SIGLEC1: variants seen among roughly 807,000 people sequenced by gnomAD.
SIGLEC1 encodes sialic acid binding Ig like lectin 1, also known as sialoadhesin.
A neutral mutation model predicts 148.0 loss-of-function variants in SIGLEC1; 132 were observed. The observed-to-expected ratio is 0.89, with a 90% confidence interval of 0.77 to 1.03. The LOEUF (loss-of-function observed/expected upper bound fraction) is 1.03, where lower values mean the gene tolerates loss of function less well. SIGLEC1 is among the 50% of genes least tolerant of loss of function. SIGLEC1 has a pLI of 0.00. For synonymous variants in SIGLEC1, 945 were observed against 969.0 expected (o/e 0.98, Z 0.46); for missense variants, 2,253 against 2,271.4 (o/e 0.99, Z 0.16).
intron 13 of SIGLEC1, 74 bp from the exon 14 acceptor site, chr20:3,693,772 G>C: frequency 6.9e-7 from 1 of 1,457,398 alleles, no homozygotes; most frequent in East Asian, 2.4e-5. Context: ...GTCTCCATGT[G>C]GGTGAGCTAC....
Position 3,710,684 on chromosome 20 carries a change from C to T in SIGLEC1, c.-110+1786G>A, listed in dbSNP as rs898697164. On this transcript the variant is annotated intron_variant, in intron 1 of 21. Transcript: ENST00000344754. The surrounding 1 kb of genome is among the most constrained non-coding windows in gnomAD (Gnocchi z 4.6). ...GGGCAGCTATCTTGTCCCAGCTCCC[C>T]TGTTCCTCCCATTTGGGGTCCTGAA... is the stretch of plus-strand genomic sequence containing the variant. 6.6e-6 allele frequency among the ~76,000 whole-genome samples: 1 copy of T among 152,234 alleles called. No homozygotes were observed. Among genetic ancestry groups the T allele is most frequent in the African/African-American group, 2.4e-5 (1 of 41,466 alleles).
At chr20:3,704,852 T>C (rs546893762) in intron 4 of SIGLEC1, among the ~76,000 whole-genome samples, 1 of 152,266 alleles carries the variant, frequency 6.6e-6, no homozygotes, top group Non-Finnish European at 1.5e-5. Context: ...TCGAACTCCT[T>C]GCCTCAAGCA....
rs766449719 is a variant in SIGLEC1, at chr20:3,691,590, C to A, written c.4341G>T (p.Val1447=). Residue 1447 remains valine (V), a synonymous_variant, in exon 18 of 22, where the codon GTG becomes GTT. Coordinates refer to ENST00000344754, the MANE Select transcript of SIGLEC1 (RefSeq NM_023068.4). ...IGRLQVEGAR[V]VAEPGLDVPE... ...GCACGTCCAGGCCAGGCTCTGCCAC[C>A]ACGCGTGCACCTGCGGGCGGAGGAT... is the stretch of plus-strand genomic sequence containing the variant. 2 of 1,611,938 alleles carry A rather than the reference C, an allele frequency of 1.2e-6. No homozygotes were observed. Among genetic ancestry groups the A allele is most frequent in the South Asian group, 2.2e-5 (2 of 90,994 alleles).
intron 7 of SIGLEC1, 41 bp downstream of exon 7, chr20:3,701,301 A>G (rs759965498): frequency 6.5e-7 from 1 of 1,537,532 alleles, no homozygotes; most frequent in Admixed American, 1.9e-5. Context: ...GCTCCTCCTC[A>G]GGCTCCCTCC....
chr20:3,691,702 C>A, intron 17 of SIGLEC1, 102 bp from the exon 18 acceptor site: 3 of 1,468,876 alleles, frequency 2.0e-6, no homozygotes, highest in Non-Finnish European at 2.8e-6. Context: ...GTGGGAAGGT[C>A]TCAGTCTGAC....
In SIGLEC1 at chr20:3,703,417, G is replaced by A. The variant is rs754361175; in HGVS notation, c.1008C>T (p.Ile336=). 39 of 1,591,700 alleles carry A rather than the reference G, an allele frequency of 2.5e-5. No individual in the cohort carries two copies. Among genetic ancestry groups the A allele is most frequent in the Non-Finnish European group, 3.3e-5 (39 of 1,167,710 alleles). Residue 336 remains isoleucine, a synonymous_variant, in exon 6 of 22, where the codon ATC becomes ATT. Coordinates refer to ENST00000344754, the MANE Select transcript of SIGLEC1 (RefSeq NM_023068.4). ...CTAGTGTCACTGTCTGGTTCTCCAG[G>A]ATGGGACCTGCTGGGCTCACCTGGA... is the stretch of plus-strand genomic sequence containing the variant. ...AEVQVSPAGP[I]LENQTVTLVC...
intron 6 of SIGLEC1, among the ~76,000 whole-genome samples, chr20:3,702,504 C>T (rs1377279681): frequency 2.0e-5 from 3 of 151,950 alleles, no homozygotes; most frequent in African/African-American, 7.3e-5. Flanking sequence ...AGGAGAATCG[C>T]TTGAGCCCCA....
In SIGLEC1 at chr20:3,688,543, G is replaced by T; in HGVS notation, c.*17C>A. 1.3e-6 allele frequency: 2 copies of T among 1,584,996 alleles called. No individual in the cohort carries two copies. Among genetic ancestry groups the T allele is most frequent in the South Asian group, 2.3e-5 (2 of 86,922 alleles). On this transcript the variant is annotated 3_prime_UTR_variant, in exon 22 of 22. Transcript: ENST00000344754. Reference sequence around the variant, plus strand: ...TTCTGGCCACTTTCTCCTCCGGAGGGCAGGCAACACCACTGGTCAGCCCAG... The same window carrying T: ...TTCTGGCCACTTTCTCCTCCGGAGGTCAGGCAACACCACTGGTCAGCCCAG...
Position 3,691,475 on chromosome 20 carries a change from G to C in SIGLEC1, c.4456C>G (p.Arg1486Gly). 1 of 1,613,456 alleles carries C rather than the reference G, an allele frequency of 6.2e-7. No individual in the cohort carries two copies. The highest frequency in any genetic ancestry group is 8.5e-7 in the Non-Finnish European group (1 of 1,179,984). Residue 1486 changes from arginine (R) to glycine (G), a missense_variant, in exon 18 of 22, where the codon CGG (arginine) becomes GGG (glycine). By Grantham distance (125) the Arg-to-Gly change is moderately radical. Coordinates refer to ENST00000344754, the MANE Select transcript of SIGLEC1 (RefSeq NM_023068.4). Reference sequence around the variant, plus strand: ...GGCACAGGCTCCGCGTGCAGCCGCCGGTCATTCCAGAACCATGCAAAGGTG... The same window carrying C: ...GGCACAGGCTCCGCGTGCAGCCGCCCGTCATTCCAGAACCATGCAAAGGTG... Reference protein sequence around the residue: ...NSTFAWFWNDRRLHAEPVPTL... With the variant: ...NSTFAWFWNDGRLHAEPVPTL...
intron 1 of SIGLEC1, among the ~76,000 whole-genome samples, chr20:3,709,614 G>A (rs2087917888): frequency 6.6e-6 from 1 of 152,186 alleles, no homozygotes; most frequent in Non-Finnish European, 1.5e-5. Flanking sequence ...CTCTAACAGA[G>A]TACACCAATG....
At chr20:3,704,268 G>C (rs536858564) in intron 4 of SIGLEC1, among the ~76,000 whole-genome samples, 177 bp from the exon 5 acceptor site, 159 of 152,190 alleles carry the variant, frequency 1.0e-3, no homozygotes, top group African/African-American at 3.7e-3. Flanking sequence ...TCCCTTTCCC[G>C]CCCCCTGCGC....
chr20:3,688,570 G>C lies in SIGLEC1; in HGVS notation c.5120C>G (p.Pro1707Arg). Residue 1707 changes from proline (P) to arginine (R), a missense_variant, in exon 22 of 22, where the codon CCC (proline) becomes CGC (arginine). Transcript: ENST00000344754. ...AGGCAACACCACTGGTCAGCCCAGG[G>C]GTGGGGCACAGGTTGAGGTCTCACA... The part of the protein sequence containing the change: ...ATCETSTCAP[P>R]LG 1.2e-6 allele frequency: 2 copies of C among 1,600,798 alleles called. No homozygotes were observed. The highest frequency in any genetic ancestry group is 1.7e-5 in the Admixed American group (1 of 58,464).
chr20:3,709,484 A>G (rs2087917309), intron 1 of SIGLEC1, among the ~76,000 whole-genome samples: 1 of 152,246 alleles, frequency 6.6e-6, no homozygotes, highest in African/African-American at 2.4e-5. Flanking sequence ...GTGGGAATAT[A>G]AAATGGTTCC....
chr20:3,689,002 C>T, intron 21 of SIGLEC1, 153 bp downstream of exon 21: 2 of 725,502 alleles, frequency 2.8e-6, no homozygotes, highest in South Asian at 3.2e-5. Flanking sequence ...CAGGGCTCTC[C>T]TATCTCCTGA....
chr20:3,697,901 A>C lies in SIGLEC1; in HGVS notation c.2019T>G (p.Arg673=), dbSNP rs1275667298. Residue 673 remains arginine, a synonymous_variant, in exon 9 of 22, where the codon CGT becomes CGG. Transcript: ENST00000344754. ...CCAGCAAAGGGTTGTGAATCTCCAC[A>C]CGCAGCAAGTTGGGGGCTTTGGTGA... ...MKVTKAPNLL[R]VEIHNPLLEE... 1 of 1,613,102 alleles carries C rather than the reference A, an allele frequency of 6.2e-7. No individual in the cohort carries two copies. The highest frequency in any genetic ancestry group is 8.5e-7 in the Non-Finnish European group (1 of 1,179,964).
rs376147444 is a variant in SIGLEC1, at chr20:3,692,898, C to A, written c.3742G>T (p.Gly1248Cys). 6.2e-6 allele frequency: 10 copies of A among 1,611,910 alleles called. No individual in the cohort carries two copies. In the South Asian group the frequency reaches 9.9e-5, roughly 16 times the overall value. The change falls in exon 15 of 22, where the codon GGC (glycine) becomes TGC (cysteine). Residue 1248 changes from glycine (G) to cysteine (C), a missense_variant. Transcript: ENST00000344754. ...FYSCSARSPLGQANTSLELRL... is the reference protein window; with the variant it reads ...FYSCSARSPLCQANTSLELRL... The stretch of plus-strand genomic sequence containing the variant: ...AGCTCCAGGGACGTGTTGGCCTGGC[C>A]CAGAGGGCTGCGGGCAGAGCAGCTG...
Position 3,694,417 on chromosome 20 carries a change from C to T in SIGLEC1, c.3060G>A (p.Gly1020=). ...GTAGGGTGGAGGCCACAAGGCGATC[C>T]CCGTGGAGCAGCCGCAGCTGGGCCG... ...DPPAQLRLLH[G]DRLVASTLQG... is the part of the protein sequence containing the mutation. Residue 1020 remains glycine (G), a synonymous_variant, in exon 13 of 22, where the codon GGG becomes GGA. Transcript: ENST00000344754. 3.1e-6 allele frequency: 5 copies of T among 1,612,434 alleles called. No individual in the cohort carries two copies. The highest frequency in any genetic ancestry group is 4.2e-6 in the Non-Finnish European group (5 of 1,179,240).
At chr20:3,709,629 C>T (rs924276604) in intron 1 of SIGLEC1, among the ~76,000 whole-genome samples, 22 of 152,180 alleles carry the variant, frequency 1.4e-4, no homozygotes, top group African/African-American at 4.8e-4. Context: ...CCAATGTTCA[C>T]GGCAGCACTA....
chr20:3,690,117 C>A lies in SIGLEC1; in HGVS notation c.4739G>T (p.Gly1580Val), dbSNP rs1030346674. ...ATGGATGTGTGGCTCTGCAGGAGCA[C>A]CCTGGGGCTGACTGGAGGCCACCAG... ...SRLVASSQPQ[G>V]APAEPHIHVL... The change falls in exon 19 of 22, where the codon GGT (glycine) becomes GTT (valine). Residue 1580 changes from glycine (G) to valine (V), a missense_variant. Gly to Val is a moderately radical substitution (Grantham distance 109, BLOSUM62 -3). Transcript: ENST00000344754. The A allele has an allele frequency of 6.2e-7, 1 of 1,610,080 alleles. No individual in the cohort carries two copies. The highest frequency in any genetic ancestry group is 1.3e-5 in the African/African-American group (1 of 74,984).
Sources: gnomAD v4.1 joint callset for allele counts (sites outside exome capture counted in the v4.1 genomes callset) on GRCh38, gnomAD v4.1.1 for gene constraint, Gnocchi (gnomAD v3.1) non-coding constraint, MANE v1.5 for transcripts, NCBI Gene and HGNC (gene_info 2026-07-23, HGNC 2026-07-21) for gene names.